GABRP: variants seen among roughly 807,000 people sequenced by gnomAD.
GABRP encodes the protein gamma-aminobutyric acid type A receptor subunit pi, also known as gamma-aminobutyric acid receptor subunit pi.
Under a neutral mutation model 47.8 loss-of-function variants are expected in GABRP, and 52 were observed. That is an observed-to-expected ratio of 1.09 (90% CI 0.87 to 1.37). The LOEUF is 1.37. Among genes scored for constraint, GABRP ranks in the 40% most tolerant of loss-of-function variants. GABRP has a pLI of 0.00. For missense variants in GABRP, 525 were observed against 542.8 expected, an observed-to-expected ratio of 0.97 and a Z score of 0.33; for synonymous variants, 221 against 205.8, an observed-to-expected ratio of 1.07 and a Z score of -0.63.
intron 3 of GABRP, among the ~76,000 whole-genome samples, chr5:170,793,912 G>A (rs1014370308): frequency 6.6e-6 from 1 of 152,032 alleles, no homozygotes; most frequent in African/African-American, 2.4e-5. Context: ...TCCAGCCTGG[G>A]CAAGAAGAGT....
intron 9 of GABRP, chr5:170,810,034 C>T (rs758381757): frequency 4.3e-6 from 3 of 696,948 alleles, no homozygotes; most frequent in Non-Finnish European, 2.6e-6. Context: ...CAGGAGCAAG[C>T]ATCCATGAAG....
intron 1 of GABRP, among the ~76,000 whole-genome samples, chr5:170,786,546 G>A (rs1445902573): frequency 6.6e-6 from 1 of 152,174 alleles, no homozygotes; most frequent in African/African-American, 2.4e-5. Context: ...TGACATGGAA[G>A]GTGTCACTGA....
chr5:170,786,225 C>T (rs1232228264), intron 1 of GABRP, among the ~76,000 whole-genome samples: 1 of 152,098 alleles, frequency 6.6e-6, no homozygotes, highest in Non-Finnish European at 1.5e-5. Context: ...AAACTCAATG[C>T]TTGGACAGGG....
chr5:170,805,368 A>C (rs963881860), intron 6 of GABRP, among the ~76,000 whole-genome samples: 1 of 152,178 alleles, frequency 6.6e-6, no homozygotes, highest in Non-Finnish European at 1.5e-5. Flanking sequence ...GCTATTATAC[A>C]ATCTTGAAAG....
rs558177227 is a variant in GABRP at position 170,809,574 on chromosome 5, C to A, written c.839C>A (p.Thr280Lys). 1 of 1,613,582 alleles carries A rather than the reference C, an allele frequency of 6.2e-7. No homozygotes were observed. Among genetic ancestry groups the A allele is most frequent in the African/African-American group, 1.3e-5 (1 of 74,874 alleles). Reference sequence around the variant, plus strand: ...CCCCTGCCTGTTTTCCCAGGAGTGACGACCGTGTTATCAATGACCACACTG... The same window carrying A: ...CCCCTGCCTGTTTTCCCAGGAGTGAAGACCGTGTTATCAATGACCACACTG... ...SVPARTCIGV[T>K]TVLSMTTLMI... Residue 280 changes from threonine (T) to lysine (K), a missense_variant, in exon 9 of 10, where the codon ACG becomes AAG. Transcript: ENST00000265294.
intron 6 of GABRP, among the ~76,000 whole-genome samples, chr5:170,797,779 G>A (rs1368749187): frequency 2.6e-5 from 4 of 152,184 alleles, no homozygotes; most frequent in African/African-American, 9.7e-5. Context: ...CCACCTATGA[G>A]TGGACAAGAA....
intron 6 of GABRP, among the ~76,000 whole-genome samples, chr5:170,799,389 T>G (rs926006483): frequency 7.9e-5 from 12 of 152,216 alleles, no homozygotes; most frequent in Non-Finnish European, 1.5e-4. Flanking sequence ...CAGTTTACAG[T>G]CCCACCAACA....
intron 6 of GABRP, among the ~76,000 whole-genome samples, chr5:170,801,970 T>C (rs1030123399): frequency 5.9e-5 from 9 of 151,986 alleles, no homozygotes; most frequent in African/African-American, 2.2e-4. Context: ...AAGATGAGGA[T>C]TATGTACAAG....
At chr5:170,784,288 G>C (rs545240158) in intron 1 of GABRP, among the ~76,000 whole-genome samples, 3 of 152,050 alleles carry the variant, frequency 2.0e-5, no homozygotes, top group Non-Finnish European at 4.4e-5. Flanking sequence ...GGAAGCTGGA[G>C]GTGACAAGTT....
At chr5:170,809,401 G>C (rs1765823025) in intron 8 of GABRP, among the ~76,000 whole-genome samples, 167 bp from the exon 9 acceptor site, 1 of 152,002 alleles carries the variant, frequency 6.6e-6, no homozygotes, top group African/African-American at 2.4e-5. Flanking sequence ...GTACAAAATG[G>C]ACAAATCAAC....
intron 9 of GABRP, 94 bp from the exon 10 acceptor site, chr5:170,811,862 C>T: frequency 8.8e-7 from 1 of 1,135,804 alleles, no homozygotes; most frequent in Admixed American, 2.1e-5. Flanking sequence ...AATTATTCAA[C>T]ACTTAGGCCT....
At chr5:170,809,934 C>T (rs760149892) in intron 9 of GABRP, 179 bp downstream of exon 9, 2 of 704,828 alleles carry the variant, frequency 2.8e-6, no homozygotes, top group South Asian at 1.5e-5. Flanking sequence ...TGAAAAAGAC[C>T]ATTCTTTTCA....
intron 9 of GABRP, among the ~76,000 whole-genome samples, chr5:170,811,601 G>A (rs1765884572): frequency 6.6e-6 from 1 of 152,190 alleles, no homozygotes; most frequent in Admixed American, 6.5e-5. Context: ...AAGTCTTGGA[G>A]GGATTGAGGT....
Position 170,805,930 on chromosome 5 carries a change from C to A in GABRP, c.679+77C>A, listed in dbSNP as rs1446386604. The A allele has an allele frequency of 9.3e-6, 14 of 1,503,446 alleles. No homozygotes were observed. The Admixed American group carries it at 2.3e-4, about 25-fold the overall frequency. The allele number at this position is 1,503,446 out of a possible 1,614,324, so 93.1% of individuals were successfully genotyped here. A position where few individuals can be genotyped will look rare whatever the true frequency, so the allele number is the denominator to read the frequency against. On this transcript the variant is annotated intron_variant, in intron 7 of 9. Coordinates refer to ENST00000265294, the MANE Select transcript of GABRP (RefSeq NM_014211.3). ...GGGTTGCTCTCTGAGTCAGAAATAT[C>A]GTCTTCTCACTTTACCTCCTTGGGA...
At chr5:170,794,347 T>TTTAAAGGGGATA (rs748693178) in intron 4 of GABRP, 49 bp downstream of exon 4, 1 of 1,108,878 alleles carries the variant, frequency 9.0e-7, no homozygotes, top group African/African-American at 1.6e-5. Flanking sequence ...TCTCTGTGTG[T>TTTAAAGGGGATA]TTAAAGGGGA....
intron 8 of GABRP, among the ~76,000 whole-genome samples, 183 bp from the exon 9 acceptor site, chr5:170,809,385 A>C (rs889803222): frequency 7.2e-5 from 11 of 152,164 alleles, no homozygotes; most frequent in Non-Finnish European, 1.5e-4. Context: ...CACATCCCTC[A>C]TATCTGTACA....
intron 8 of GABRP, 102 bp from the exon 9 acceptor site, chr5:170,809,466 C>A: frequency 9.0e-7 from 1 of 1,109,734 alleles, no homozygotes; most frequent in African/African-American, 1.5e-5. Context: ...ATTTCTGGGT[C>A]TTGCCCTCAC....
intron 1 of GABRP, among the ~76,000 whole-genome samples, chr5:170,787,635 C>T (rs977465646): frequency 6.6e-6 from 1 of 152,168 alleles, no homozygotes; most frequent in Non-Finnish European, 1.5e-5. Flanking sequence ...GCAGCCAGCC[C>T]TGGATTCAAA....
In GABRP at chr5:170,789,167, G is replaced by A. The variant is rs553592344; in HGVS notation, c.92G>A (p.Gly31Asp). 1.1e-5 allele frequency: 17 copies of A among 1,614,136 alleles called. No individual in the cohort carries two copies. The African/African-American group carries it at 2.0e-4, about 19-fold the overall frequency. ...IQGSQFNVEV[G>D]RSDKLSLPGF... The stretch of plus-strand genomic sequence containing the variant: ...GGGAGTCAGTTCAACGTCGAGGTCG[G>A]CAGAAGTGACAAGCTTTCCCTGCCT... Residue 31 changes from glycine (G) to aspartate (D), a missense_variant, in exon 3 of 10, where the codon GGC (glycine) becomes GAC (aspartate). Gly to Asp is a moderately conservative substitution (Grantham distance 94). Coordinates refer to ENST00000265294, the MANE Select transcript of GABRP (RefSeq NM_014211.3).
Sources: allele counts gnomAD v4.1 joint callset (sites outside exome capture counted in the v4.1 genomes callset), GRCh38; gene constraint gnomAD v4.1.1; transcripts MANE v1.5; gene names NCBI Gene and HGNC (gene_info 2026-07-23, HGNC 2026-07-21).